The following APPBP2 variants were observed in gnomAD, a reference collection of about 807,000 sequenced individuals.
APPBP2 encodes the protein amyloid protein-binding protein 2.
Under a neutral mutation model 76.0 loss-of-function variants are expected in APPBP2, and 15 were observed. The observed-to-expected ratio is 0.20, with a 90% confidence interval of 0.13 to 0.30. APPBP2 has a LOEUF of 0.30. Among genes scored for constraint, APPBP2 ranks in the 10% least tolerant of loss-of-function variants. APPBP2 has a pLI of 1.00. For missense variants in APPBP2, 401 were observed against 687.2 expected (o/e 0.58, Z 4.66); for synonymous variants, 222 against 242.2 (o/e 0.92, Z 0.77).
rs780418498 is a variant in APPBP2, at chr17:60,525,848, G to C, written c.84C>G (p.Ser28=). 2 of 1,614,102 alleles carry C rather than the reference G, an allele frequency of 1.2e-6. No homozygotes were observed. The highest frequency in any genetic ancestry group is 2.7e-5 in the African/African-American group (2 of 75,032). Residue 28 remains serine (S), a synonymous_variant, in exon 1 of 13, where the codon TCC becomes TCG. Transcript: ENST00000083182. ...CGGGCAAGGAGCGGATGTCTCGGCG[G>C]GAGCGGATGTAGTTGTCCACGACAG... ...ISAVVDNYIR[S]RRDIRSLPEN...
intron 1 of APPBP2, among the ~76,000 whole-genome samples, chr17:60,519,465 G>GT (rs945607581): frequency 8.6e-5 from 13 of 151,432 alleles, no homozygotes; most frequent in Admixed American, 3.3e-4. Context: ...AATTTTTAAG[G>GT]TTTTTTTTGT....
At chr17:60,457,128 CA>C (rs10713718) in intron 9 of APPBP2, among the ~76,000 whole-genome samples, 29,584 of 123,866 alleles carry the variant, frequency 0.24, 8,877 homozygotes, top group African/African-American at 0.69. Flanking sequence ...AAGACTGTCT[CA>C]AAAAAAAAAA....
intron 1 of APPBP2, among the ~76,000 whole-genome samples, chr17:60,514,767 C>T (rs1209328981): frequency 1.3e-5 from 2 of 152,126 alleles, no homozygotes; most frequent in Non-Finnish European, 2.9e-5. Flanking sequence ...ATTTTTAAAG[C>T]ATGACAATCT....
intron 3 of APPBP2, among the ~76,000 whole-genome samples, chr17:60,484,811 T>A (rs1022951550): frequency 1.3e-5 from 2 of 152,216 alleles, no homozygotes; most frequent in African/African-American, 2.4e-5. Context: ...GTGCCAGTTT[T>A]CAAAGGGAAT....
At position 60,443,710 on chromosome 17, in the gene APPBP2, T is replaced by C. The variant is rs1370976361; in HGVS notation, c.*3871A>G. On this transcript the variant is annotated 3_prime_UTR_variant, in exon 13 of 13. Transcript: ENST00000083182. ...CACCACAAACCAAGTTTTCTAGATA[T>C]CTATATATAGGATATATTTTTAATC... is the stretch of plus-strand genomic sequence containing the variant. 6.6e-6 allele frequency: 1 copy of C among 152,630 alleles called. No homozygotes were observed. 9.5% of individuals were successfully genotyped at this position (152,630 alleles called of 1,614,324 possible). A position where few individuals can be genotyped will look rare whatever the true frequency, so the allele number is the denominator to read the frequency against.
chr17:60,501,303 A>G (rs2143455577), intron 1 of APPBP2, among the ~76,000 whole-genome samples: 1 of 152,234 alleles, frequency 6.6e-6, no homozygotes, highest in Non-Finnish European at 1.5e-5. Flanking sequence ...CCTGGGTGAG[A>G]GTGAGACCCT....
chr17:60,512,832 T>TAAA (rs770075935), intron 1 of APPBP2, among the ~76,000 whole-genome samples: 79 of 29,858 alleles, frequency 2.6e-3, no homozygotes, highest in Non-Finnish European at 3.3e-3. Context: ...AGACTCCATC[T>TAAA]AAAAAAAAAA....
At chr17:60,506,652 A>G (rs1020180379) in intron 1 of APPBP2, among the ~76,000 whole-genome samples, 1 of 152,196 alleles carries the variant, frequency 6.6e-6, no homozygotes, top group African/African-American at 2.4e-5. Flanking sequence ...CACACTCTAC[A>G]TTCTATGAGG....
chr17:60,484,964 C>T (rs2090661481), intron 3 of APPBP2, among the ~76,000 whole-genome samples: 1 of 152,062 alleles, frequency 6.6e-6, no homozygotes, highest in Admixed American at 6.6e-5. Context: ...TTGAGATAAT[C>T]ATGTGGTTTT....
rs1327189808 is a variant in APPBP2, at chr17:60,447,314, C to CA, written c.*266dup. Reference sequence around the variant, plus strand: ...TGCAAAATGAATTTTTTAAAAACAACAAAAAAAAGATTTCCTGTTGTTTGT... The same window carrying CA: ...TGCAAAATGAATTTTTTAAAAACAACAAAAAAAAAGATTTCCTGTTGTTTGT... On this transcript the variant is annotated 3_prime_UTR_variant, in exon 13 of 13. Transcript: ENST00000083182. The CA allele has an allele frequency of 1.1e-4, 34 of 315,334 alleles. No homozygotes were observed. Among genetic ancestry groups the CA allele is most frequent in the East Asian group, 1.5e-4 (3 of 19,624 alleles). 19.5% of individuals were successfully genotyped at this position (315,334 alleles called of 1,614,324 possible).
In APPBP2 at chr17:60,464,157, T is replaced by C. The variant is rs192890313; in HGVS notation, c.673-47A>G. 8.8e-6 allele frequency: 13 copies of C among 1,476,706 alleles called. No individual in the cohort carries two copies. The African/African-American group carries it at 1.3e-4, about 14-fold the overall frequency. The allele number at this position is 1,476,706 out of a possible 1,614,324, so 91.5% of individuals were successfully genotyped here. ...GAGACAGAACTGTGGTTAAATCAAG[T>C]TGACAATATTTAACAAGATGACTGC... is the stretch of plus-strand genomic sequence containing the variant. On this transcript the variant is annotated intron_variant, in intron 5 of 12. Transcript: ENST00000083182.
intron 3 of APPBP2, among the ~76,000 whole-genome samples, chr17:60,492,422 G>A (rs2090737417): frequency 6.6e-6 from 1 of 152,206 alleles, no homozygotes; most frequent in Admixed American, 6.5e-5. Flanking sequence ...CTTGCACCGT[G>A]TGCCTGAAAA....
chr17:60,505,877 C>A (rs112900818), intron 1 of APPBP2, among the ~76,000 whole-genome samples: 2 of 150,540 alleles, frequency 1.3e-5, no homozygotes, highest in Admixed American at 1.3e-4. Context: ...AGAGATGGGG[C>A]TTCACCATGT....
In APPBP2 at chr17:60,443,950, C is replaced by A. The variant is rs557612718; in HGVS notation, c.*3631G>T. 3.3e-5 allele frequency: 5 copies of A among 152,338 alleles called. No individual in the cohort carries two copies. Among genetic ancestry groups the A allele is most frequent in the Admixed American group, 1.3e-4 (2 of 15,242 alleles). 9.4% of individuals were successfully genotyped at this position (152,338 alleles called of 1,614,324 possible). ...GTACTGTTGAAGCTGGAGATTAATC[C>A]AAATGTCATATTAACAACAAAAAAT... On this transcript the variant is annotated 3_prime_UTR_variant, in exon 13 of 13. Coordinates refer to ENST00000083182, the MANE Select transcript of APPBP2 (RefSeq NM_006380.5).
At chr17:60,475,648 T>TACATAC (rs2090584308) in intron 4 of APPBP2, among the ~76,000 whole-genome samples, 1 of 129,192 alleles carries the variant, frequency 7.7e-6, no homozygotes, top group South Asian at 2.7e-4. Context: ...CAACTCTTTA[T>TACATAC]ACACACACAC....
chr17:60,513,487 C>T (rs919253970), intron 1 of APPBP2: 15 of 561,732 alleles, frequency 2.7e-5, no homozygotes, highest in South Asian at 9.8e-5. Flanking sequence ...AAGATGGACA[C>T]GAAGAAGGAG....
intron 1 of APPBP2, among the ~76,000 whole-genome samples, chr17:60,501,353 T>C (rs2090821778): frequency 6.6e-6 from 1 of 151,914 alleles, no homozygotes; most frequent in Non-Finnish European, 1.5e-5. Flanking sequence ...GAAAGACAAA[T>C]ACTATTGTCC....
chr17:60,473,363 C>T (rs1189340045), intron 4 of APPBP2, among the ~76,000 whole-genome samples: 3 of 152,200 alleles, frequency 2.0e-5, no homozygotes, highest in Admixed American at 1.3e-4. Context: ...CACTTTTACT[C>T]ATCCATTCTC....
At chr17:60,510,031 A>G (rs2090899475) in intron 1 of APPBP2, among the ~76,000 whole-genome samples, 1 of 152,206 alleles carries the variant, frequency 6.6e-6, no homozygotes, top group South Asian at 2.1e-4. Flanking sequence ...TACCTCTAAC[A>G]TAAAAGAATA....
Sources: allele counts gnomAD v4.1 joint callset (sites outside exome capture counted in the v4.1 genomes callset), GRCh38; gene constraint gnomAD v4.1.1; transcripts MANE v1.5; gene names NCBI Gene and HGNC (gene_info 2026-07-23, HGNC 2026-07-21).